TGIF1: variants seen among roughly 807,000 people sequenced by gnomAD.
TGIF1 encodes the protein TGFB induced factor homeobox 1, also known as homeobox protein TGIF1.
TGIF1 carries 4 observed loss-of-function variants against 19.3 expected under a neutral mutation model. The ratio of observed to expected loss-of-function variants is 0.21; its 90% CI spans 0.10 to 0.47. The LOEUF (loss-of-function observed/expected upper bound fraction) is 0.47. Among genes scored for constraint, TGIF1 ranks in the 20% least tolerant of loss-of-function variants. The probability of loss-of-function intolerance (pLI) is 0.98; values close to 1 mark genes in which losing one functional copy is unlikely to be tolerated. For synonymous variants in TGIF1, 122 were observed against 129.3 expected (o/e 0.94, Z 0.38); for missense variants, 275 against 341.4 (o/e 0.81, Z 1.53).
At chr18:3,436,370 A>G (rs2082614427) in intron 2 of TGIF1, among the ~76,000 whole-genome samples, 1 of 152,230 alleles carries the variant, frequency 6.6e-6, no homozygotes, top group Non-Finnish European at 1.5e-5. Flanking sequence ...TGGCTGACAA[A>G]TAGTCAAACT....
intron 2 of TGIF1, among the ~76,000 whole-genome samples, chr18:3,419,864 G>C (rs1051164885): frequency 2.6e-5 from 4 of 152,060 alleles, no homozygotes; most frequent in African/African-American, 9.7e-5. Flanking sequence ...AAATTAGCTG[G>C]GCATGGTGGT....
chr18:3,412,515 C>T (rs549592204), intron 1 of TGIF1, among the ~76,000 whole-genome samples: 36 of 152,088 alleles, frequency 2.4e-4, no homozygotes, highest in Middle Eastern at 3.4e-3. Context: ...GGAGCAGGTG[C>T]GCTTCTAAAC....
intron 2 of TGIF1, among the ~76,000 whole-genome samples, chr18:3,436,222 A>T (rs974306446): frequency 1.3e-5 from 2 of 152,168 alleles, no homozygotes; most frequent in Non-Finnish European, 2.9e-5. Context: ...TTTTTTTATT[A>T]ACTTAAAAAA....
upstream of TGIF1, chr18:3,447,519 G>T: frequency 1.6e-6 from 1 of 622,786 alleles, no homozygotes; most frequent in South Asian, 1.8e-5. Flanking sequence ...CCACTTTTTT[G>T]AGGCTGTTCC....
chr18:3,445,752 A>AGAG (rs1555648621), upstream of TGIF1, among the ~76,000 whole-genome samples: 2 of 115,002 alleles, frequency 1.7e-5, no homozygotes, highest in African/African-American at 8.5e-5. Flanking sequence ...AAAAAAAAAA[A>AGAG]AGAGAAGAAA....
intron 2 of TGIF1, among the ~76,000 whole-genome samples, chr18:3,437,882 G>A (rs578027728): frequency 6.2e-4 from 94 of 152,262 alleles, no homozygotes; most frequent in African/African-American, 2.1e-3. Context: ...TCGGGAGTTC[G>A]AGACCAGCCT....
chr18:3,437,532 G>C (rs1042012125), intron 2 of TGIF1, among the ~76,000 whole-genome samples: 2 of 152,136 alleles, frequency 1.3e-5, no homozygotes, highest in African/African-American at 4.8e-5. Flanking sequence ...GTGGGTGAGG[G>C]AGAAATGGGA....
At chr18:3,434,402 G>A (rs2082589300) in intron 2 of TGIF1, among the ~76,000 whole-genome samples, 1 of 152,112 alleles carries the variant, frequency 6.6e-6, no homozygotes, top group Non-Finnish European at 1.5e-5. Context: ...CGGGCGTGGT[G>A]GTGCATGCCT....
Position 3,456,368 on chromosome 18 carries a change from T to A in TGIF1, c.31T>A (p.Ser11Thr), listed in dbSNP as rs199537751. The A allele has an allele frequency of 3.7e-6, 6 of 1,614,258 alleles. No individual in the cohort carries two copies. The highest frequency in any genetic ancestry group is 3.4e-6 in the Non-Finnish European group (4 of 1,180,044). Residue 11 changes from serine (S) to threonine (T), a missense_variant, in exon 2 of 3, where the codon TCT becomes ACT. Transcript: ENST00000343820. The surrounding 1 kb of genome is among the most constrained non-coding windows in gnomAD (Gnocchi z 4.2). MKGKKGIVAA[S>T]GSETEDEDSM... ...TCCTTTCCTAGGTATTGTTGCAGCA[T>A]CTGGCAGTGAGACTGAGGATGAGGA...
intron 1 of TGIF1, chr18:3,452,299 C>T (rs1314867415): frequency 6.2e-7 from 1 of 1,612,412 alleles, no homozygotes; most frequent in East Asian, 2.2e-5. Flanking sequence ...CCCCGCCGGC[C>T]GCATCGGTGG....
In TGIF1 at chr18:3,456,385, G is replaced by T. The variant is rs148926036; in HGVS notation, c.48G>T (p.Glu16Asp). 1.2e-6 allele frequency: 2 copies of T among 1,614,222 alleles called. No individual in the cohort carries two copies. Among genetic ancestry groups the T allele is most frequent in the East Asian group, 2.2e-5 (1 of 44,888 alleles). ...GIVAASGSET[E>D]DEDSMDIPLD... ...TTGCAGCATCTGGCAGTGAGACTGAGGATGAGGACAGCATGGACATTCCCT... is the reference window on the plus strand; with the variant it reads ...TTGCAGCATCTGGCAGTGAGACTGATGATGAGGACAGCATGGACATTCCCT... Residue 16 changes from glutamate (E) to aspartate (D), a missense_variant, in exon 2 of 3, where the codon GAG becomes GAT. Transcript: ENST00000343820. The surrounding 1 kb of genome is among the most constrained non-coding windows in gnomAD (Gnocchi z 4.2).
In TGIF1 at chr18:3,457,281, C is replaced by T; in HGVS notation, c.244-84C>T. On this transcript the variant is annotated intron_variant, in intron 2 of 2. Coordinates refer to ENST00000343820, the MANE Select transcript of TGIF1 (RefSeq NM_003244.4). The surrounding 1 kb of genome is among the most constrained non-coding windows in gnomAD (Gnocchi z 4.9). ...CTTTCTTTAATTCAGAGAGCAAGAT[C>T]AATTAGGTACCCCATAGAACATTCT... 7.3e-7 allele frequency: 1 copy of T among 1,360,742 alleles called. No individual in the cohort carries two copies. The highest frequency in any genetic ancestry group is 1.0e-6 in the Non-Finnish European group (1 of 966,376). The allele number at this position is 1,360,742 out of a possible 1,614,324, so 84.3% of individuals were successfully genotyped here. A position where few individuals can be genotyped will look rare whatever the true frequency, so the allele number is the denominator to read the frequency against.
chr18:3,451,868 G>C lies in TGIF1; in HGVS notation c.16+1363G>C. 2.1e-6 allele frequency: 3 copies of C among 1,423,226 alleles called. No homozygotes were observed. Among genetic ancestry groups the C allele is most frequent in the South Asian group, 1.7e-5 (1 of 57,886 alleles). The allele number at this position is 1,423,226 out of a possible 1,614,324, so 88.2% of individuals were successfully genotyped here. ...GAGAAAACGCGCGGGGGGCGTCCGA[G>C]ACGCCCCGTGAAAGCCGTGCCGACC... is the stretch of plus-strand genomic sequence containing the variant. On this transcript the variant is annotated intron_variant, in intron 1 of 2. Coordinates refer to ENST00000343820, the MANE Select transcript of TGIF1 (RefSeq NM_003244.4). This position sits in a 1 kb window ranked among gnomAD's most constrained non-coding sequence, Gnocchi z 5.4.
At position 3,457,717 on chromosome 18, in the gene TGIF1, A is replaced by T. The variant is rs773077059; in HGVS notation, c.596A>T (p.Asp199Val). 3 of 1,614,078 alleles carry T rather than the reference A, an allele frequency of 1.9e-6. No homozygotes were observed. Among genetic ancestry groups the T allele is most frequent in the South Asian group, 1.1e-5 (1 of 91,088 alleles). ...TCGGTCGGTGTGGGACAAAACACAG[A>T]TATACAGCAGATAGCGGCCAAAAAC... ...CQSVGVGQNT[D>V]IQQIAAKNFT... The change falls in exon 3 of 3, where the codon GAT becomes GTT. Residue 199 changes from aspartate to valine, a missense_variant. Asp to Val is a radical substitution (Grantham distance 152, BLOSUM62 -3). Coordinates refer to ENST00000343820, the MANE Select transcript of TGIF1 (RefSeq NM_003244.4). This position sits in a 1 kb window ranked among gnomAD's most constrained non-coding sequence, Gnocchi z 4.9.
chr18:3,457,337 A>C lies in TGIF1; in HGVS notation c.244-28A>C, dbSNP rs1461269570. ...CCCGTTGGCTGAGTGAATGAGGAAAATGTTAAAGCGTACCGATATGATTTC... is the reference window on the plus strand; with the variant it reads ...CCCGTTGGCTGAGTGAATGAGGAAACTGTTAAAGCGTACCGATATGATTTC... On this transcript the variant is annotated intron_variant, in intron 2 of 2. Transcript: ENST00000343820. This position sits in a 1 kb window ranked among gnomAD's most constrained non-coding sequence, Gnocchi z 4.9. The C allele has an allele frequency of 3.7e-6, 6 of 1,612,960 alleles. No individual in the cohort carries two copies. Among genetic ancestry groups the C allele is most frequent in the Non-Finnish European group, 4.2e-6 (5 of 1,179,312 alleles).
chr18:3,448,109 G>GTT (rs5822762), upstream of TGIF1: 40 of 984,194 alleles, frequency 4.1e-5, no homozygotes, highest in Middle Eastern at 5.2e-4. Flanking sequence ...CCGAAGGCGT[G>GTT]TTTTGTGGAG....
At chr18:3,452,954 G>C (rs926306261) in intron 1 of TGIF1, among the ~76,000 whole-genome samples, 2 of 152,198 alleles carry the variant, frequency 1.3e-5, no homozygotes, top group Non-Finnish European at 2.9e-5. Context: ...GGATCGATAA[G>C]GAAAATCCAC....
At chr18:3,417,863 C>T (rs1200884767) in intron 1 of TGIF1, among the ~76,000 whole-genome samples, 1 of 152,080 alleles carries the variant, frequency 6.6e-6, no homozygotes, top group Non-Finnish European at 1.5e-5. Flanking sequence ...CTTTGGGAGA[C>T]CAAGGTAGGA....
rs141177192 is a variant in TGIF1, at chr18:3,451,390, C to CA, written c.16+886dup. On this transcript the variant is annotated intron_variant, in intron 1 of 2. Coordinates refer to ENST00000343820, the MANE Select transcript of TGIF1 (RefSeq NM_003244.4). The surrounding 1 kb of genome is among the most constrained non-coding windows in gnomAD (Gnocchi z 5.4). ...AACCACACAAAACACCCCGAAAGGT[C>CA]AGAGTGTGAAGTCCCTTTTGAAGTT... 2 of 985,196 alleles carry CA rather than the reference C, an allele frequency of 2.0e-6. No homozygotes were observed. The highest frequency in any genetic ancestry group is 1.2e-4 in the Admixed American group (2 of 16,262). The allele number at this position is 985,196 out of a possible 1,614,324, so 61.0% of individuals were successfully genotyped here. A position where few individuals can be genotyped will look rare whatever the true frequency, so the allele number is the denominator to read the frequency against.
Sources: allele counts gnomAD v4.1 joint callset (sites outside exome capture counted in the v4.1 genomes callset), GRCh38; gene constraint gnomAD v4.1.1; non-coding constraint Gnocchi (gnomAD v3.1); transcripts MANE v1.5; gene names NCBI Gene and HGNC (gene_info 2026-07-23, HGNC 2026-07-21).